CDH13: variants seen among roughly 807,000 people sequenced by gnomAD.
CDH13 encodes the protein cadherin 13.
A neutral mutation model predicts 63.8 loss-of-function variants in CDH13; 24 were observed. The ratio of observed to expected loss-of-function variants is 0.38; its 90% CI spans 0.27 to 0.53. The LOEUF (loss-of-function observed/expected upper bound fraction) is 0.53, where lower values mean the gene tolerates loss of function less well. Among genes scored for constraint, CDH13 ranks in the 20% least tolerant of loss-of-function variants. The pLI is 0.85. For synonymous variants in CDH13, 503 were observed against 355.3 expected (o/e 1.42, Z -4.67); for missense variants, 1,049 against 903.1 (o/e 1.16, Z -2.07).
At chr16:82,929,651 CAAAAAAAAA>C (rs71146097) in intron 2 of CDH13, among the ~76,000 whole-genome samples, 34 of 44,278 alleles carry the variant, frequency 7.7e-4, no homozygotes, top group Admixed American at 3.0e-3. Context: ...GACTCCATCT[CAAAAAAAAA>C]AAAAAAAAAA....
At chr16:82,848,102 A>G (rs1949926038) in intron 1 of CDH13, among the ~76,000 whole-genome samples, 1 of 152,198 alleles carries the variant, frequency 6.6e-6, no homozygotes. Context: ...TTTTGTAACA[A>G]TGAAAAATGT....
intron 13 of CDH13, among the ~76,000 whole-genome samples, chr16:83,790,367 A>T (rs465001): frequency 0.64 from 97,855 of 152,042 alleles, 32,154 homozygotes; most frequent in South Asian, 0.76. Flanking sequence ...AAAAAATGAA[A>T]ATGAAATGAT....
At chr16:83,767,857 A>G (rs1914501883) in intron 11 of CDH13, among the ~76,000 whole-genome samples, 1 of 152,178 alleles carries the variant, frequency 6.6e-6, no homozygotes, top group Admixed American at 6.5e-5. Context: ...GGGCATGAAG[A>G]GTTAGTACAA....
At chr16:83,557,873 G>A (rs1437203591) in intron 7 of CDH13, among the ~76,000 whole-genome samples, 1 of 152,134 alleles carries the variant, frequency 6.6e-6, no homozygotes, top group African/African-American at 2.4e-5. Context: ...CATTTTGAGT[G>A]ACAGAGTCTT....
chr16:82,994,395 A>G (rs1350433636), intron 2 of CDH13, among the ~76,000 whole-genome samples: 1 of 151,808 alleles, frequency 6.6e-6, no homozygotes, highest in South Asian at 2.1e-4. Flanking sequence ...GGTGCCTGAG[A>G]CCCCCTACCT....
intron 2 of CDH13, among the ~76,000 whole-genome samples, chr16:83,031,409 T>TACCATACAC (rs1916333213): frequency 6.8e-6 from 1 of 147,970 alleles, no homozygotes; most frequent in African/African-American, 2.5e-5. Flanking sequence ...TACATGTATA[T>TACCATACAC]GTATACACGT....
At position 82,627,007 on chromosome 16, in the gene CDH13, C is replaced by A; in HGVS notation, c.-86C>A. 1 of 1,490,664 alleles carries A rather than the reference C, an allele frequency of 6.7e-7. No homozygotes were observed. Among genetic ancestry groups the A allele is most frequent in the Non-Finnish European group, 9.2e-7 (1 of 1,091,238 alleles). 92.3% of individuals were successfully genotyped at this position (1,490,664 alleles called of 1,614,324 possible). On this transcript the variant is annotated 5_prime_UTR_variant, in exon 1 of 14. Transcript: ENST00000567109. ...GCTGGCTGGCGAGGCAGAGCCTCTCCTCAAAGCCTGGCTCCCACGGAAAAT... is the reference window on the plus strand; with the variant it reads ...GCTGGCTGGCGAGGCAGAGCCTCTCATCAAAGCCTGGCTCCCACGGAAAAT...
intron 11 of CDH13, among the ~76,000 whole-genome samples, chr16:83,759,723 T>G (rs1398924003): frequency 6.6e-6 from 1 of 151,978 alleles, no homozygotes; most frequent in Non-Finnish European, 1.5e-5. Flanking sequence ...GCCAAGGAGT[T>G]TGAGACCAGT....
At chr16:82,792,512 C>A (rs1412748282) in intron 1 of CDH13, among the ~76,000 whole-genome samples, 1 of 152,070 alleles carries the variant, frequency 6.6e-6, no homozygotes, top group Non-Finnish European at 1.5e-5. Flanking sequence ...TCCCTGAGGA[C>A]CATTTATAAG....
intron 2 of CDH13, among the ~76,000 whole-genome samples, chr16:82,905,170 G>T (rs1407074156): frequency 3.9e-5 from 6 of 152,152 alleles, no homozygotes; most frequent in Admixed American, 3.3e-4. Context: ...TAACCATCCG[G>T]TGTGTTTAGA....
At chr16:83,173,136 C>A (rs1342046292) in intron 4 of CDH13, among the ~76,000 whole-genome samples, 1 of 152,136 alleles carries the variant, frequency 6.6e-6, no homozygotes, top group Non-Finnish European at 1.5e-5. Flanking sequence ...CACATTAATT[C>A]TGTGAGACTG....
At chr16:83,261,210 C>G (rs1367561172) in intron 5 of CDH13, among the ~76,000 whole-genome samples, 1 of 152,080 alleles carries the variant, frequency 6.6e-6, no homozygotes, top group East Asian at 1.9e-4. Flanking sequence ...CAGATACAGC[C>G]ACAGCACATG....
At chr16:83,094,903 C>G (rs1450397404) in intron 3 of CDH13, among the ~76,000 whole-genome samples, 2 of 152,154 alleles carry the variant, frequency 1.3e-5, no homozygotes, top group South Asian at 2.1e-4. Flanking sequence ...ACAATTAACT[C>G]TGTAAGTTAT....
chr16:82,871,700 C>G (rs913876137), intron 2 of CDH13, among the ~76,000 whole-genome samples: 15 of 152,224 alleles, frequency 9.9e-5, no homozygotes, highest in Admixed American at 8.5e-4. Context: ...ATTATCAGCT[C>G]ACATGATTGA....
intron 2 of CDH13, among the ~76,000 whole-genome samples, chr16:82,987,338 C>T (rs935280012): frequency 3.3e-5 from 5 of 151,970 alleles, no homozygotes; most frequent in African/African-American, 1.2e-4. Context: ...TGGCATGAAT[C>T]AGCCAATTTT....
chr16:83,452,315 A>T (rs1014754859), intron 6 of CDH13, among the ~76,000 whole-genome samples: 3 of 151,720 alleles, frequency 2.0e-5, no homozygotes, highest in Non-Finnish European at 4.4e-5. Context: ...CCTTGCTCTT[A>T]CATGACTCAT....
chr16:83,775,132 A>T (rs1915018427), intron 11 of CDH13, among the ~76,000 whole-genome samples: 1 of 151,650 alleles, frequency 6.6e-6, no homozygotes, highest in Non-Finnish European at 1.5e-5. Context: ...TGCTCTAGAG[A>T]AGGAGGCCTG....
intron 6 of CDH13, among the ~76,000 whole-genome samples, chr16:83,361,847 A>AGTCAG (rs1415867750): frequency 2.0e-5 from 3 of 152,164 alleles, no homozygotes; most frequent in African/African-American, 7.2e-5. Flanking sequence ...TAGAGTTTAA[A>AGTCAG]GTCAGGTAAT....
intron 3 of CDH13, among the ~76,000 whole-genome samples, chr16:83,074,619 A>G (rs2032688253): frequency 6.6e-6 from 1 of 152,172 alleles, no homozygotes; most frequent in Non-Finnish European, 1.5e-5. Flanking sequence ...TTACACCAAC[A>G]GTGTATGAGT....
Sources: allele counts gnomAD v4.1 joint callset (sites outside exome capture counted in the v4.1 genomes callset), GRCh38; gene constraint gnomAD v4.1.1; transcripts MANE v1.5; gene names NCBI Gene and HGNC (gene_info 2026-07-23, HGNC 2026-07-21).